SPRED1: variants seen among roughly 807,000 people sequenced by gnomAD.
The protein encoded by SPRED1 is sprouty related EVH1 domain containing 1, also known as sprouty-related, EVH1 domain-containing protein 1.
In SPRED1, 18 loss-of-function variants were observed where a neutral mutation model predicts 52.3. The ratio of observed to expected loss-of-function variants is 0.34; its 90% confidence interval spans 0.24 to 0.51. SPRED1 has a LOEUF of 0.51. Ranked by LOEUF, SPRED1 falls within the 20% of genes least tolerant of loss-of-function variation. The probability of loss-of-function intolerance (pLI) is 0.97; values close to 1 mark genes in which losing one functional copy is unlikely to be tolerated. For missense variants in SPRED1, 485 were observed against 551.0 expected (o/e 0.88, Z 1.20); for synonymous variants, 155 against 179.7 (o/e 0.86, Z 1.10).
chr15:38,342,060 G>A (rs1450164373), intron 5 of SPRED1, among the ~76,000 whole-genome samples: 3 of 100,482 alleles, frequency 3.0e-5, no homozygotes, highest in African/African-American at 6.9e-5. Flanking sequence ...GGGTGTCTTT[G>A]TCTTTTAATT....
intron 4 of SPRED1, among the ~76,000 whole-genome samples, chr15:38,327,893 G>A (rs1012769840): frequency 3.9e-5 from 6 of 152,112 alleles, no homozygotes; most frequent in Admixed American, 1.3e-4. Context: ...TTCTTAAGAC[G>A]ATTAGAATGA....
intron 2 of SPRED1, among the ~76,000 whole-genome samples, chr15:38,316,754 T>TTG (rs1895491647): frequency 1.4e-5 from 2 of 146,524 alleles, no homozygotes; most frequent in Admixed American, 6.9e-5. Context: ...ATATGTTTTT[T>TTG]TTTTTTTTTT....
chr15:38,286,523 C>T (rs1257713165), intron 1 of SPRED1, among the ~76,000 whole-genome samples: 1 of 137,562 alleles, frequency 7.3e-6, no homozygotes, highest in Non-Finnish European at 1.5e-5. Flanking sequence ...TCACCATCTC[C>T]TCTAATCATT....
chr15:38,355,110 C>A lies in SPRED1; in HGVS notation c.*3446C>A, dbSNP rs895269328. Reference sequence around the variant, plus strand: ...AGCTGGGATTACAGGCACCCACCACCATGCCCAGCTAAGTTTTGGTATTTT... The same window carrying A: ...AGCTGGGATTACAGGCACCCACCACAATGCCCAGCTAAGTTTTGGTATTTT... On this transcript the variant is annotated 3_prime_UTR_variant, in exon 7 of 7. Transcript: ENST00000299084. 3 of 152,444 alleles carry A rather than the reference C, an allele frequency of 2.0e-5. No individual in the cohort carries two copies. Among genetic ancestry groups the A allele is most frequent in the African/African-American group, 7.2e-5 (3 of 41,436 alleles). 9.4% of individuals were successfully genotyped at this position (152,444 alleles called of 1,614,324 possible).
intron 1 of SPRED1, among the ~76,000 whole-genome samples, chr15:38,272,734 T>C (rs954722937): frequency 6.6e-6 from 1 of 152,218 alleles, no homozygotes; most frequent in Non-Finnish European, 1.5e-5. Flanking sequence ...TTCTGACTAG[T>C]GTGAGATGGC....
Position 38,324,762 on chromosome 15 carries a change from G to C in SPRED1, c.377-1G>C. The C allele has an allele frequency of 6.2e-7, 1 of 1,606,350 alleles. No homozygotes were observed. Among genetic ancestry groups the C allele is most frequent in the Non-Finnish European group, 8.5e-7 (1 of 1,176,234 alleles). ...TAATTAACTTTTATCTATTTTCTTA[G>C]GATGCCCCGAATCAAAAAATGAAGC... On this transcript the variant is annotated splice_acceptor_variant, in intron 3 of 6. Coordinates refer to ENST00000299084, the MANE Select transcript of SPRED1 (RefSeq NM_152594.3). LOFTEE classifies it high-confidence loss of function.
At chr15:38,306,692 G>A (rs764868817) in intron 2 of SPRED1, among the ~76,000 whole-genome samples, 5 of 152,104 alleles carry the variant, frequency 3.3e-5, no homozygotes, top group Non-Finnish European at 5.9e-5. Context: ...CTCTTTCCCC[G>A]GAGCCTTGTG....
intron 3 of SPRED1, 129 bp from the exon 4 acceptor site, chr15:38,324,634 T>C: frequency 2.8e-6 from 2 of 711,480 alleles, no homozygotes; most frequent in Non-Finnish European, 4.8e-6. Flanking sequence ...AGTACCTTAA[T>C]TGCCAGGCAG....
intron 5 of SPRED1, among the ~76,000 whole-genome samples, chr15:38,343,781 A>C (rs1392826120): frequency 2.0e-5 from 3 of 152,116 alleles, no homozygotes; most frequent in Non-Finnish European, 4.4e-5. Context: ...CATAGCTGGT[A>C]CCTATTATGT....
At chr15:38,308,384 G>A (rs191867639) in intron 2 of SPRED1, among the ~76,000 whole-genome samples, 2 of 152,112 alleles carry the variant, frequency 1.3e-5, no homozygotes, top group African/African-American at 4.8e-5. Context: ...TCATTTTTGT[G>A]TGTATTTTAT....
At chr15:38,336,630 C>A (rs965951537) in intron 4 of SPRED1, among the ~76,000 whole-genome samples, 2 of 151,664 alleles carry the variant, frequency 1.3e-5, no homozygotes, top group African/African-American at 4.8e-5. Context: ...ATGGCATTTG[C>A]AGCAACCTGG....
rs895646541 is a variant in SPRED1, at chr15:38,253,075, G to A, written c.-111G>A. On this transcript the variant is annotated 5_prime_UTR_variant, in exon 1 of 7. Transcript: ENST00000299084. Reference sequence around the variant, plus strand: ...TCCACCATGGTGAGGCCCCTGTGCCGCTGCCCCCGCGCCCCCCCGGCCGCC... The same window carrying A: ...TCCACCATGGTGAGGCCCCTGTGCCACTGCCCCCGCGCCCCCCCGGCCGCC... The A allele has an allele frequency of 3.3e-6, 3 of 899,074 alleles. No individual in the cohort carries two copies. The highest frequency in any genetic ancestry group is 5.3e-6 in the Non-Finnish European group (3 of 560,848). 55.7% of individuals were successfully genotyped at this position (899,074 alleles called of 1,614,324 possible). A position where few individuals can be genotyped will look rare whatever the true frequency, so the allele number is the denominator to read the frequency against.
chr15:38,263,890 G>T (rs777490001), intron 1 of SPRED1, among the ~76,000 whole-genome samples: 1 of 152,180 alleles, frequency 6.6e-6, no homozygotes, highest in African/African-American at 2.4e-5. Flanking sequence ...ATTCAAAGCC[G>T]TCCTGCCACA....
chr15:38,265,779 T>C (rs771055736), intron 1 of SPRED1, among the ~76,000 whole-genome samples: 9 of 152,154 alleles, frequency 5.9e-5, no homozygotes, highest in Non-Finnish European at 8.8e-5. Context: ...TACAGTTCAA[T>C]CCAGGAACTT....
intron 1 of SPRED1, among the ~76,000 whole-genome samples, chr15:38,289,690 C>G (rs1287653381): frequency 6.6e-6 from 1 of 152,142 alleles, no homozygotes; most frequent in South Asian, 2.1e-4. Context: ...AAGCAATATT[C>G]ATGACTTTGA....
chr15:38,281,328 G>T (rs1205231758), intron 1 of SPRED1, among the ~76,000 whole-genome samples: 1 of 152,146 alleles, frequency 6.6e-6, no homozygotes, highest in East Asian at 1.9e-4. Flanking sequence ...TGCAAAAGGA[G>T]TAAGTATTGT....
chr15:38,254,369 C>T (rs1243331960), intron 1 of SPRED1, among the ~76,000 whole-genome samples: 1 of 152,132 alleles, frequency 6.6e-6, no homozygotes, highest in Admixed American at 6.5e-5. Flanking sequence ...CCCTCCCCAC[C>T]CCAAAACACA....
In SPRED1 at chr15:38,357,131, A is replaced by G. The variant is rs560411599; in HGVS notation, c.*5467A>G. On this transcript the variant is annotated 3_prime_UTR_variant, in exon 7 of 7. Coordinates refer to ENST00000299084, the MANE Select transcript of SPRED1 (RefSeq NM_152594.3). ...CTTAAAGAAAAAGACATCGACATCA[A>G]TGGTATGAAAGCTGTAGTCACTCTT... is the stretch of plus-strand genomic sequence containing the variant. The G allele has an allele frequency of 1.3e-5, 2 of 152,304 alleles. No individual in the cohort carries two copies. The highest frequency in any genetic ancestry group is 2.4e-5 in the African/African-American group (1 of 41,578). The allele number at this position is 152,304 out of a possible 1,614,324, so 9.4% of individuals were successfully genotyped here.
At chr15:38,287,811 T>A (rs984755462) in intron 1 of SPRED1, among the ~76,000 whole-genome samples, 54 of 152,316 alleles carry the variant, frequency 3.5e-4, no homozygotes, top group African/African-American at 1.2e-3. Context: ...GCGTCAAGGA[T>A]TTTGATACTC....
Sources: allele counts gnomAD v4.1 joint callset (sites outside exome capture counted in the v4.1 genomes callset), GRCh38; gene constraint gnomAD v4.1.1; transcripts MANE v1.5; gene names NCBI Gene and HGNC (gene_info 2026-07-23, HGNC 2026-07-21).